NOP14: variants seen among roughly 807,000 people sequenced by gnomAD.
NOP14 encodes the protein nucleolar protein 14.
A neutral mutation model predicts 101.6 loss-of-function variants in NOP14; 57 were observed. The ratio of observed to expected loss-of-function variants is 0.56; its 90% CI spans 0.45 to 0.70. The LOEUF is 0.70. Ranked by LOEUF, NOP14 falls within the 30% of genes least tolerant of loss-of-function variation. The pLI, the probability that NOP14 is intolerant of heterozygous loss-of-function variation, is 0.00. For missense variants in NOP14, 1,134 were observed against 1,075.5 expected (o/e 1.05, Z -0.76); for synonymous variants, 428 against 424.0 (o/e 1.01, Z -0.12).
intron 12 of NOP14, 29 bp from the exon 13 acceptor site, chr4:2,944,255 T>C: frequency 6.3e-7 from 1 of 1,599,216 alleles, no homozygotes; most frequent in Non-Finnish European, 8.5e-7. Context: ...GGGGTTACTG[T>C]CCTGGGACGA....
At chr4:2,946,929 G>A (rs1351505897) in intron 10 of NOP14, 3 of 262,990 alleles carry the variant, frequency 1.1e-5, no homozygotes, top group East Asian at 1.1e-4. Context: ...AGCTCCGCGC[G>A]GCACAGGGCA....
rs1362682862 is a variant in NOP14 at position 2,957,770 on chromosome 4, A to G, written c.196-30T>C. ...AAAACAGGTCAGAAACAATCTCACA[A>G]AAAATTCTTGTGATTTCCACTACAG... On this transcript the variant is annotated intron_variant, in intron 1 of 17. Coordinates refer to ENST00000416614, the MANE Select transcript of NOP14 (RefSeq NM_001291978.2). 6.2e-6 allele frequency: 10 copies of G among 1,608,968 alleles called. No individual in the cohort carries two copies. The Admixed American group carries it at 1.3e-4, about 22-fold the overall frequency.
intron 1 of NOP14, among the ~76,000 whole-genome samples, chr4:2,959,558 A>C (rs541603449): frequency 1.3e-5 from 2 of 151,986 alleles, no homozygotes; most frequent in South Asian, 2.1e-4. Flanking sequence ...GTGCCACTGC[A>C]CTCCAGCCTG....
chr4:2,951,183 A>G lies in NOP14; in HGVS notation c.933T>C (p.His311=), dbSNP rs1715005984. 5.0e-6 allele frequency: 8 copies of G among 1,613,730 alleles called. No homozygotes were observed. Among genetic ancestry groups the G allele is most frequent in the African/African-American group, 1.3e-5 (1 of 74,936 alleles). The part of the protein sequence containing the change: ...DEDENVKKPK[H]MSADDLNDGF... ...CATCATTCAGATCATCTGCTGACAT[A>G]TGTTTTGGTTTCTTAACATTTTCAT... Residue 311 remains histidine (H), a synonymous_variant, in exon 7 of 18, where the codon CAT becomes CAC. Coordinates refer to ENST00000416614, the MANE Select transcript of NOP14 (RefSeq NM_001291978.2).
chr4:2,963,356 G>C lies in NOP14; in HGVS notation c.-37C>G. ...CGCTGCGCCCAAGGGCCCGAGACCC[G>C]AAGAGAGACAGGCGCGCGCTACCCT... On this transcript the variant is annotated 5_prime_UTR_variant, in exon 1 of 18. Transcript: ENST00000416614. 2.0e-6 allele frequency: 3 copies of C among 1,514,590 alleles called. No homozygotes were observed. Among genetic ancestry groups the C allele is most frequent in the Non-Finnish European group, 1.8e-6 (2 of 1,140,130 alleles). 93.8% of individuals were successfully genotyped at this position (1,514,590 alleles called of 1,614,324 possible).
chr4:2,960,681 T>C (rs572043942), intron 1 of NOP14, among the ~76,000 whole-genome samples: 1 of 132,476 alleles, frequency 7.5e-6, no homozygotes, highest in African/African-American at 2.9e-5. Flanking sequence ...TAATATTATA[T>C]TAATATTATA....
Position 2,944,185 on chromosome 4 carries a change from G to T in NOP14, c.1779C>A (p.Phe593Leu), listed in dbSNP as rs371137582. The T allele has an allele frequency of 5.0e-6, 8 of 1,613,938 alleles. No individual in the cohort carries two copies. The highest frequency in any genetic ancestry group is 4.0e-5 in the African/African-American group (3 of 74,934). The stretch of plus-strand genomic sequence containing the variant: ...CATACTCCAGGAACAGGCAGCACAC[G>T]AACAGGCCCTTCACCACGTCCTGGA... Reference protein sequence around the residue: ...LSLQDVVKGLFVCCLFLEYVA... With the variant: ...LSLQDVVKGLLVCCLFLEYVA... The change falls in exon 13 of 18, where the codon TTC (phenylalanine) becomes TTA (leucine). Residue 593 changes from phenylalanine (F) to leucine (L), a missense_variant. Physicochemically the swap from Phe to Leu is conservative, Grantham distance 22. Transcript: ENST00000416614.
chr4:2,947,496 C>T (rs1352036460), intron 10 of NOP14, 30 bp downstream of exon 10: 3 of 1,464,328 alleles, frequency 2.0e-6, no homozygotes, highest in Non-Finnish European at 2.9e-6. Context: ...CTTAACCCCA[C>T]ATCCCAGATG....
chr4:2,948,853 C>T (rs1400500399), intron 8 of NOP14, among the ~76,000 whole-genome samples: 1 of 152,234 alleles, frequency 6.6e-6, no homozygotes, highest in Non-Finnish European at 1.5e-5. Flanking sequence ...AACCCACCAG[C>T]GTTTGCCCTG....
At position 2,954,535 on chromosome 4, in the gene NOP14, T is replaced by C. The variant is rs1380475060; in HGVS notation, c.501A>G (p.Gly167=). ...TCTTCTTGTGAAGGAGCCCACCGCC[T>C]CCTCCAAAGTGGGCAGCAGTCAGCT... ...SAELTAAHFG[G]GGGLLHKKTQ... The change falls in exon 4 of 18, where the codon GGA becomes GGG. Residue 167 remains glycine, a synonymous_variant. Coordinates refer to ENST00000416614, the MANE Select transcript of NOP14 (RefSeq NM_001291978.2). 4 of 1,613,936 alleles carry C rather than the reference T, an allele frequency of 2.5e-6. No homozygotes were observed. The East Asian group carries it at 8.9e-5, about 36-fold the overall frequency.
chr4:2,943,580 T>G (rs1236354716), intron 13 of NOP14, among the ~76,000 whole-genome samples: 1 of 152,242 alleles, frequency 6.6e-6, no homozygotes, highest in African/African-American at 2.4e-5. Flanking sequence ...CTTGCCGCCC[T>G]CGCTCCTGAA....
Position 2,938,641 on chromosome 4 carries a change from G to A in NOP14, c.*190C>T, listed in dbSNP as rs1713869047. 1.7e-6 allele frequency: 1 copy of A among 579,716 alleles called. No homozygotes were observed. Among genetic ancestry groups the A allele is most frequent in the Non-Finnish European group, 3.1e-6 (1 of 327,674 alleles). 35.9% of individuals were successfully genotyped at this position (579,716 alleles called of 1,614,324 possible). ...CTGCTTCAGCCTCCCGAGTAGTTGG[G>A]ACTACAGGTGCGTGCCACCACACTT... is the stretch of plus-strand genomic sequence containing the variant. On this transcript the variant is annotated 3_prime_UTR_variant, in exon 18 of 18. Coordinates refer to ENST00000416614, the MANE Select transcript of NOP14 (RefSeq NM_001291978.2).
intron 6 of NOP14, among the ~76,000 whole-genome samples, chr4:2,951,962 C>T (rs974709870): frequency 4.6e-5 from 7 of 152,036 alleles, no homozygotes; most frequent in Non-Finnish European, 8.8e-5. Flanking sequence ...CAAAAATTAG[C>T]CGGGCGTGGT....
chr4:2,943,315 G>A (rs980067138), intron 13 of NOP14, among the ~76,000 whole-genome samples: 6 of 152,216 alleles, frequency 3.9e-5, no homozygotes, highest in Admixed American at 1.3e-4. Flanking sequence ...AGCACTGCAC[G>A]GTGAGCTGGA....
At chr4:2,940,675 G>A (rs904847372) in intron 15 of NOP14, 2 of 152,424 alleles carry the variant, frequency 1.3e-5, no homozygotes, top group Admixed American at 1.3e-4. Flanking sequence ...CATCCTAGTG[G>A]GGCAGAGACA....
chr4:2,943,618 C>T (rs948304323), intron 13 of NOP14, among the ~76,000 whole-genome samples: 2 of 152,252 alleles, frequency 1.3e-5, no homozygotes, highest in African/African-American at 4.8e-5. Flanking sequence ...AGCGACACAG[C>T]AGCGCGGCCT....
chr4:2,953,898 G>T (rs1010581112), intron 4 of NOP14, among the ~76,000 whole-genome samples: 17 of 152,178 alleles, frequency 1.1e-4, no homozygotes, highest in African/African-American at 4.1e-4. Context: ...ATAAAAAAGT[G>T]ATTTTTTGGG....
At chr4:2,953,338 A>G (rs1289937532) in intron 5 of NOP14, among the ~76,000 whole-genome samples, 173 bp downstream of exon 5, 2 of 152,222 alleles carry the variant, frequency 1.3e-5, no homozygotes, top group East Asian at 3.8e-4. Context: ...AAGTAACTGA[A>G]TCTACTTCCA....
At chr4:2,959,912 G>C (rs1715612780) in intron 1 of NOP14, among the ~76,000 whole-genome samples, 4 of 151,948 alleles carry the variant, frequency 2.6e-5, no homozygotes. Flanking sequence ...ACATGTGCTA[G>C]CCTGTACTGC....
Sources: gnomAD v4.1 joint callset for allele counts (sites outside exome capture counted in the v4.1 genomes callset) on GRCh38, gnomAD v4.1.1 for gene constraint, MANE v1.5 for transcripts, NCBI Gene and HGNC (gene_info 2026-07-23, HGNC 2026-07-21) for gene names.